Variants in PPP6R2 observed in about 807,000 individuals in gnomAD.
PPP6R2 encodes the protein protein phosphatase 6 regulatory subunit 2.
Under a neutral mutation model 100.2 loss-of-function variants are expected in PPP6R2, and 62 were observed. The observed-to-expected ratio is 0.62, with a 90% CI of 0.50 to 0.76. PPP6R2 has a LOEUF of 0.76. PPP6R2 is among the 30% of genes least tolerant of loss of function. The pLI is 0.00. For synonymous variants in PPP6R2, 525 were observed against 514.7 expected (o/e 1.02, Z -0.27); for missense variants, 1,142 against 1,276.3 (o/e 0.89, Z 1.60).
chr22:50,368,756 C>T (rs536794317), intron 1 of PPP6R2, among the ~76,000 whole-genome samples: 2 of 152,140 alleles, frequency 1.3e-5, no homozygotes, highest in South Asian at 4.1e-4. Context: ...CACACTTAGG[C>T]CGAAGGGATC....
chr22:50,381,174 C>T (rs1266658789), intron 2 of PPP6R2, among the ~76,000 whole-genome samples: 5 of 151,196 alleles, frequency 3.3e-5, no homozygotes, highest in African/African-American at 4.9e-5. Flanking sequence ...AAACCATTTA[C>T]GAGGGATCTT....
At chr22:50,362,925 C>T (rs930161112) in intron 1 of PPP6R2, among the ~76,000 whole-genome samples, 17 of 152,234 alleles carry the variant, frequency 1.1e-4, no homozygotes, top group East Asian at 7.7e-4. Flanking sequence ...CCTAAGCATA[C>T]GAAGACACCG....
chr22:50,397,610 T>TGCTG (rs1432946762), intron 3 of PPP6R2, among the ~76,000 whole-genome samples: 129 of 108,560 alleles, frequency 1.2e-3, no homozygotes, highest in Middle Eastern at 5.7e-3. Context: ...TGACTTGGGA[T>TGCTG]GGGGGCAGGG....
At position 50,414,418 on chromosome 22, in the gene PPP6R2, A is replaced by G. The variant is rs188759252; in HGVS notation, c.415-134A>G. The G allele has an allele frequency of 3.5e-4, 314 of 903,686 alleles. 1 individual carries two copies. In the East Asian group the frequency reaches 0.012, roughly 35 times the overall value. The allele number at this position is 903,686 out of a possible 1,614,324, so 56.0% of individuals were successfully genotyped here. A position where few individuals can be genotyped will look rare whatever the true frequency, so the allele number is the denominator to read the frequency against. ...TGTCCCTTGAGGGGGCTTTCTTACA[A>G]TCTTGTCTGGGTCTTTCCGTTATTT... On this transcript the variant is annotated intron_variant, in intron 4 of 23. Transcript: ENST00000612753.
intron 2 of PPP6R2, among the ~76,000 whole-genome samples, chr22:50,373,365 C>G (rs2050719090): frequency 6.6e-6 from 1 of 151,032 alleles, no homozygotes; most frequent in African/African-American, 2.4e-5. Flanking sequence ...CCTCAGCCTC[C>G]CGAGTAGCTG....
At chr22:50,356,442 G>A (rs1036002935) in intron 1 of PPP6R2, among the ~76,000 whole-genome samples, 2 of 151,690 alleles carry the variant, frequency 1.3e-5, no homozygotes, top group Non-Finnish European at 2.9e-5. Flanking sequence ...AGCTGGGACT[G>A]CAGGTACACA....
At chr22:50,361,802 G>A (rs751786046) in intron 1 of PPP6R2, among the ~76,000 whole-genome samples, 1 of 152,092 alleles carries the variant, frequency 6.6e-6, no homozygotes, top group Non-Finnish European at 1.5e-5. Flanking sequence ...CTTGTGGTGC[G>A]CGTAGGTGCG....
intron 1 of PPP6R2, among the ~76,000 whole-genome samples, chr22:50,356,063 T>C (rs962187445): frequency 2.7e-5 from 4 of 150,094 alleles, no homozygotes; most frequent in Admixed American, 6.6e-5. Flanking sequence ...CCCAGGTTCA[T>C]GCCATTCTCC....
At chr22:50,422,128 G>A in intron 8 of PPP6R2, 126 bp from the exon 9 acceptor site, 1 of 1,267,058 alleles carries the variant, frequency 7.9e-7, no homozygotes, top group Non-Finnish European at 1.1e-6. Flanking sequence ...TAGCTGCACT[G>A]CTCTAGGGTT....
chr22:50,440,068 G>T lies in PPP6R2; in HGVS notation c.2374+19G>T. The T allele has an allele frequency of 6.2e-7, 1 of 1,601,174 alleles. No homozygotes were observed. The highest frequency in any genetic ancestry group is 8.5e-7 in the Non-Finnish European group (1 of 1,171,080). ...AAAGCCTGTGAGTAGGAGCAGTGCA[G>T]GCGGCACCCAGCCTTGCCCAGTTTA... On this transcript the variant is annotated intron_variant, in intron 21 of 23. Coordinates refer to ENST00000612753, the MANE Select transcript of PPP6R2 (RefSeq NM_001242898.2).
At chr22:50,361,388 T>A (rs1251257640) in intron 1 of PPP6R2, among the ~76,000 whole-genome samples, 2 of 152,138 alleles carry the variant, frequency 1.3e-5, no homozygotes, top group Admixed American at 6.6e-5. Context: ...ACTTGTGAAC[T>A]GGGGGTTGGT....
upstream of PPP6R2, among the ~76,000 whole-genome samples, chr22:50,338,914 GT>G: frequency 2.1e-5 from 2 of 93,426 alleles, no homozygotes; most frequent in African/African-American, 2.0e-4. Flanking sequence ...GTGTGTGGTA[GT>G]GTGTGTGGTA....
intron 19 of PPP6R2, 75 bp downstream of exon 19, chr22:50,438,837 A>G: frequency 7.0e-7 from 1 of 1,420,358 alleles, no homozygotes; most frequent in African/African-American, 1.4e-5. Flanking sequence ...GGTGTTGTGG[A>G]GGCTTCATTT....
At chr22:50,342,557 T>G (rs1365162511), upstream of PPP6R2, among the ~76,000 whole-genome samples, 1 of 152,216 alleles carries the variant, frequency 6.6e-6, no homozygotes, top group Non-Finnish European at 1.5e-5. Context: ...CAGATACGCT[T>G]TCGCAGAGAG....
intron 10 of PPP6R2, among the ~76,000 whole-genome samples, chr22:50,429,145 C>T (rs1419510624): frequency 6.6e-6 from 1 of 152,130 alleles, no homozygotes; most frequent in African/African-American, 2.4e-5. Context: ...ATTCTCCTGC[C>T]TCAGCCTCCC....
the PPP6R2 span, among the ~76,000 whole-genome samples, chr22:50,338,096 G>GATGTGTA: frequency 2.7e-5 from 4 of 145,538 alleles, no homozygotes; most frequent in South Asian, 9.0e-4. Context: ...TAGTGTGTGT[G>GATGTGTA]GTGTGTGGTA....
chr22:50,421,315 C>T (rs1389079750), intron 8 of PPP6R2, among the ~76,000 whole-genome samples: 1 of 152,086 alleles, frequency 6.6e-6, no homozygotes, highest in African/African-American at 2.4e-5. Flanking sequence ...CAGAGATAAG[C>T]CAGCTGTTTC....
chr22:50,334,781 C>T, the PPP6R2 span, among the ~76,000 whole-genome samples: 1 of 152,040 alleles, frequency 6.6e-6, no homozygotes, highest in African/African-American at 2.4e-5. Context: ...GCCTGGCAAA[C>T]ATGGTGAAAC....
intron 1 of PPP6R2, among the ~76,000 whole-genome samples, chr22:50,346,737 G>A (rs73439336): frequency 0.21 from 30,822 of 144,462 alleles, 4,744 homozygotes; most frequent in African/African-American, 0.44. Context: ...CTCCACTGTT[G>A]GTCAGTGCTC....
Sources: gnomAD v4.1 joint callset for allele counts (sites outside exome capture counted in the v4.1 genomes callset) on GRCh38, gnomAD v4.1.1 for gene constraint, MANE v1.5 for transcripts, NCBI Gene and HGNC (gene_info 2026-07-23, HGNC 2026-07-21) for gene names.